Variants in GPC5 observed in about 807,000 individuals in gnomAD.
GPC5 encodes the protein glypican 5, also known as glypican-5.
GPC5 carries 47 observed loss-of-function variants against 53.9 expected under a neutral mutation model. That is an observed-to-expected ratio of 0.87 (90% CI 0.69 to 1.11). GPC5 has a LOEUF of 1.11. Among genes scored for constraint, GPC5 ranks in the 50% most tolerant of loss-of-function variants. The pLI is 0.00. For synonymous variants in GPC5, 286 were observed against 263.3 expected (o/e 1.09, Z -0.84); for missense variants, 748 against 713.1 (o/e 1.05, Z -0.56).
chr13:92,106,671 C>A (rs2041512760), intron 6 of GPC5, among the ~76,000 whole-genome samples: 1 of 152,062 alleles, frequency 6.6e-6, no homozygotes, highest in Non-Finnish European at 1.5e-5. Context: ...CCATCTTCTG[C>A]AACTCTTTAG....
intron 5 of GPC5, among the ~76,000 whole-genome samples, chr13:91,864,904 T>C (rs1224473596): frequency 1.3e-5 from 2 of 149,964 alleles, no homozygotes; most frequent in South Asian, 2.1e-4. Context: ...TTTCTTTCTT[T>C]TTTTTTTTTT....
chr13:91,925,103 G>T (rs1218716547), intron 6 of GPC5, among the ~76,000 whole-genome samples: 4 of 152,182 alleles, frequency 2.6e-5, no homozygotes, highest in Non-Finnish European at 5.9e-5. Flanking sequence ...ACAGGCGTGA[G>T]CTACTGTGCC....
chr13:92,292,522 G>T (rs2043005072), intron 7 of GPC5, among the ~76,000 whole-genome samples: 1 of 151,900 alleles, frequency 6.6e-6, no homozygotes, highest in Admixed American at 6.6e-5. Flanking sequence ...TTTTTGATGG[G>T]ATTTTTTTTT....
chr13:92,018,005 C>T (rs1411534740), intron 6 of GPC5, among the ~76,000 whole-genome samples: 8 of 151,594 alleles, frequency 5.3e-5, no homozygotes, highest in South Asian at 4.2e-4. Flanking sequence ...CACGAGTACA[C>T]ACATACACAT....
chr13:92,206,798 G>A (rs529877461), intron 7 of GPC5, among the ~76,000 whole-genome samples: 24 of 152,258 alleles, frequency 1.6e-4, no homozygotes, highest in Admixed American at 6.5e-4. Context: ...ATCTCATTCT[G>A]TCATTAACAA....
intron 7 of GPC5, among the ~76,000 whole-genome samples, chr13:92,331,993 A>G (rs2043291219): frequency 6.6e-6 from 1 of 152,180 alleles, no homozygotes; most frequent in Non-Finnish European, 1.5e-5. Flanking sequence ...AACAATACAG[A>G]AGCAATTCAA....
chr13:92,787,232 G>T (rs1390226270), intron 7 of GPC5, among the ~76,000 whole-genome samples: 1 of 152,040 alleles, frequency 6.6e-6, no homozygotes, highest in East Asian at 1.9e-4. Flanking sequence ...TAAATTCCCT[G>T]CCAAAATGGA....
At chr13:92,328,924 G>A (rs1008090410) in intron 7 of GPC5, among the ~76,000 whole-genome samples, 2 of 152,048 alleles carry the variant, frequency 1.3e-5, no homozygotes, top group Non-Finnish European at 2.9e-5. Flanking sequence ...ACCAGATGTT[G>A]CTTTTCATTT....
chr13:91,417,761 T>A (rs1396814665), intron 1 of GPC5, among the ~76,000 whole-genome samples: 1 of 152,206 alleles, frequency 6.6e-6, no homozygotes, highest in East Asian at 1.9e-4. Flanking sequence ...CACAAGCCCT[T>A]CAGGTAGTCT....
At chr13:92,647,346 A>G (rs1383867270) in intron 7 of GPC5, among the ~76,000 whole-genome samples, 1 of 152,148 alleles carries the variant, frequency 6.6e-6, no homozygotes, top group Non-Finnish European at 1.5e-5. Flanking sequence ...GCATTTCTGC[A>G]TGTATTGAGA....
chr13:91,639,658 A>AAAT (rs34152405), intron 2 of GPC5, among the ~76,000 whole-genome samples: 131,663 of 151,984 alleles, frequency 0.87, 57,172 homozygotes, highest in East Asian at 0.99. Context: ...GCAGTAGGTA[A>AAAT]AATAGAGTCA....
chr13:92,737,766 C>CTTTTTTTTTTTTTTTTTTTTATTTTTTT (rs33914729), intron 7 of GPC5, among the ~76,000 whole-genome samples: 1 of 102,134 alleles, frequency 9.8e-6, no homozygotes, highest in Non-Finnish European at 1.8e-5. Flanking sequence ...TTTTCTTTTT[C>CTTTTTTTTTTTTTTTTTTTTATTTTTTT]TTTTTTTTTT....
At chr13:92,812,675 T>A (rs984621788) in intron 7 of GPC5, among the ~76,000 whole-genome samples, 1 of 151,878 alleles carries the variant, frequency 6.6e-6, no homozygotes. Context: ...TAAAACTCTA[T>A]TTTCAGATAA....
chr13:91,592,876 G>A (rs976334464), intron 2 of GPC5, among the ~76,000 whole-genome samples: 1 of 152,228 alleles, frequency 6.6e-6, no homozygotes, highest in Admixed American at 6.5e-5. Context: ...AAGAATAGCT[G>A]TTCCCCAGTC....
At chr13:91,857,452 A>G (rs2038978667) in intron 5 of GPC5, among the ~76,000 whole-genome samples, 1 of 151,566 alleles carries the variant, frequency 6.6e-6, no homozygotes, top group African/African-American at 2.4e-5. Context: ...TGTTTTGATG[A>G]TAGCAAATAT....
At chr13:91,690,273 T>C (rs1159248902) in intron 2 of GPC5, among the ~76,000 whole-genome samples, 2 of 152,294 alleles carry the variant, frequency 1.3e-5, no homozygotes, top group East Asian at 3.9e-4. Flanking sequence ...AGAGAAAAGT[T>C]TTAAAATTTC....
chr13:92,720,132 G>A (rs1001854268), intron 7 of GPC5, among the ~76,000 whole-genome samples: 7 of 152,016 alleles, frequency 4.6e-5, no homozygotes, highest in Non-Finnish European at 8.8e-5. Flanking sequence ...TATCTACTCT[G>A]GCAAAGAAAA....
chr13:92,752,419 T>A (rs930962328), intron 7 of GPC5, among the ~76,000 whole-genome samples: 6 of 152,192 alleles, frequency 3.9e-5, no homozygotes, highest in African/African-American at 1.4e-4. Context: ...GTAATTGCAC[T>A]AAGTTGATGG....
chr13:92,562,011 GA>G (rs1882714004), intron 7 of GPC5, among the ~76,000 whole-genome samples: 1 of 151,980 alleles, frequency 6.6e-6, no homozygotes, highest in Non-Finnish European at 1.5e-5. Flanking sequence ...CAATTTTAGA[GA>G]TCCACTTGAT....
Sources: gnomAD v4.1 joint callset for allele counts (sites outside exome capture counted in the v4.1 genomes callset) on GRCh38, gnomAD v4.1.1 for gene constraint, MANE v1.5 for transcripts, NCBI Gene and HGNC (gene_info 2026-07-23, HGNC 2026-07-21) for gene names.